Variants in NCKAP5 observed in about 807,000 individuals in gnomAD.
NCKAP5 encodes nck-associated protein 5.
NCKAP5 carries 92 observed loss-of-function variants against 167.0 expected under a neutral mutation model. The observed-to-expected ratio is 0.55, with a 90% CI of 0.47 to 0.66. NCKAP5 has a LOEUF of 0.66. NCKAP5 is among the 30% of genes least tolerant of loss of function. The probability of loss-of-function intolerance (pLI) is 0.00; values close to 1 mark genes in which losing one functional copy is unlikely to be tolerated. For missense variants in NCKAP5, 2,378 were observed against 2,315.0 expected, an observed-to-expected ratio of 1.03 and a Z score of -0.56; for synonymous variants, 891 against 877.4, an observed-to-expected ratio of 1.02 and a Z score of -0.27.
intron 3 of NCKAP5, among the ~76,000 whole-genome samples, chr2:133,372,948 C>T (rs1052017639): frequency 2.0e-5 from 3 of 152,132 alleles, no homozygotes; most frequent in Non-Finnish European, 2.9e-5. Context: ...GCAACATAAT[C>T]GTAATTCAGA....
intron 5 of NCKAP5, among the ~76,000 whole-genome samples, chr2:133,204,174 C>CTTT (rs1393485741): frequency 1.3e-5 from 2 of 152,028 alleles, no homozygotes; most frequent in African/African-American, 4.8e-5. Flanking sequence ...CTTGTGTCTT[C>CTTT]TTTTCTGATG....
intron 16 of NCKAP5, among the ~76,000 whole-genome samples, chr2:132,739,775 A>G (rs944198691): frequency 6.6e-6 from 1 of 152,170 alleles, no homozygotes; most frequent in African/African-American, 2.4e-5. Context: ...AAAAGCATTA[A>G]TGAATGATGA....
At chr2:133,236,070 CAAAAAAAAAAAA>C (rs527705526) in intron 4 of NCKAP5, among the ~76,000 whole-genome samples, 6 of 15,678 alleles carry the variant, frequency 3.8e-4, no homozygotes, top group African/African-American at 8.5e-4. Context: ...TGTCTCAGAC[CAAAAAAAAAAAA>C]AAAAAAAAAA....
At chr2:133,351,190 C>A (rs1220193648) in intron 3 of NCKAP5, among the ~76,000 whole-genome samples, 3 of 150,866 alleles carry the variant, frequency 2.0e-5, no homozygotes, top group African/African-American at 7.3e-5. Flanking sequence ...GGTTCATAAA[C>A]AACAAAAGCA....
At chr2:133,319,698 G>A (rs372060631) in intron 3 of NCKAP5, among the ~76,000 whole-genome samples, 14 of 152,234 alleles carry the variant, frequency 9.2e-5, no homozygotes, top group African/African-American at 3.1e-4. Context: ...ATGAAAATCA[G>A]CCACTCTTAG....
At chr2:133,041,220 G>A (rs2079208913) in intron 6 of NCKAP5, among the ~76,000 whole-genome samples, 2 of 152,040 alleles carry the variant, frequency 1.3e-5, no homozygotes, top group Admixed American at 1.3e-4. Flanking sequence ...GAAAAGAAAA[G>A]GAAAACTCTG....
intron 3 of NCKAP5, among the ~76,000 whole-genome samples, chr2:133,342,174 C>T (rs1683640670): frequency 6.6e-6 from 1 of 152,054 alleles, no homozygotes; most frequent in South Asian, 2.1e-4. Flanking sequence ...CTCCTGACCT[C>T]GTGATCCGCC....
intron 11 of NCKAP5, among the ~76,000 whole-genome samples, chr2:132,809,322 G>A (rs931197789): frequency 1.3e-5 from 2 of 152,036 alleles, no homozygotes; most frequent in Non-Finnish European, 2.9e-5. Flanking sequence ...TTGTTTCTTT[G>A]TTGACTTTCT....
chr2:133,586,790 CA>C, the NCKAP5 span, among the ~76,000 whole-genome samples: 1 of 137,632 alleles, frequency 7.3e-6, no homozygotes, highest in East Asian at 2.2e-4. Flanking sequence ...CACACACACA[CA>C]CACAGGATTT....
chr2:132,796,161 A>G (rs1298264929), intron 12 of NCKAP5, among the ~76,000 whole-genome samples: 3 of 152,174 alleles, frequency 2.0e-5, no homozygotes, highest in Non-Finnish European at 4.4e-5. Context: ...TGTTTTTTCA[A>G]GTTACTCTTT....
chr2:133,463,224 T>A (rs1330501869), intron 3 of NCKAP5, among the ~76,000 whole-genome samples: 1 of 152,196 alleles, frequency 6.6e-6, no homozygotes, highest in Admixed American at 6.5e-5. Flanking sequence ...ATACGCCACA[T>A]TTTTTAGATA....
chr2:133,576,522 A>G, the NCKAP5 span, among the ~76,000 whole-genome samples: 6 of 152,240 alleles, frequency 3.9e-5, no homozygotes, highest in Admixed American at 3.9e-4. Context: ...CACTGCAAAC[A>G]TATAGTACTT....
At chr2:133,043,162 G>A (rs959781488) in intron 6 of NCKAP5, among the ~76,000 whole-genome samples, 20 of 152,086 alleles carry the variant, frequency 1.3e-4, no homozygotes, top group African/African-American at 4.3e-4. Context: ...AAATTATTCT[G>A]TGAAAAAGAG....
At chr2:132,735,945 T>C (rs1006762638) in intron 16 of NCKAP5, among the ~76,000 whole-genome samples, 1 of 152,172 alleles carries the variant, frequency 6.6e-6, no homozygotes, top group African/African-American at 2.4e-5. Context: ...CCTTAAATTA[T>C]TTTACTTTCC....
chr2:133,584,941 A>AAGGAAG, the NCKAP5 span, among the ~76,000 whole-genome samples: 5 of 113,812 alleles, frequency 4.4e-5, no homozygotes, highest in Non-Finnish European at 9.0e-5. Flanking sequence ...AAAAAAAGAA[A>AAGGAAG]GAAGGAAGGA....
At chr2:132,946,147 A>G (rs779484511) in intron 8 of NCKAP5, among the ~76,000 whole-genome samples, 15 of 152,182 alleles carry the variant, frequency 9.9e-5, no homozygotes, top group Non-Finnish European at 1.9e-4. Flanking sequence ...ATCAGAAAGG[A>G]GGGGAAGGGA....
intron 6 of NCKAP5, among the ~76,000 whole-genome samples, chr2:133,082,674 T>G (rs1238090173): frequency 6.6e-6 from 1 of 152,142 alleles, no homozygotes; most frequent in East Asian, 1.9e-4. Context: ...GGCACCTACG[T>G]AGACAGACTC....
At chr2:132,889,553 A>T (rs1294980773) in intron 8 of NCKAP5, among the ~76,000 whole-genome samples, 1 of 152,218 alleles carries the variant, frequency 6.6e-6, no homozygotes, top group African/African-American at 2.4e-5. Context: ...ACAAAAAAAA[A>T]ATCAACAAAC....
Position 132,731,834 on chromosome 2 carries a change from A to C in NCKAP5, c.5346T>G (p.Pro1782=), listed in dbSNP as rs941611634. ...EVPSSTDGQR[P]ADSAIVHSTS... ...TGGAATGAACAATGGCGCTATCTGCAGGGCGCTGGCCGTCTGTGGAGGAAG... is the reference window on the plus strand; with the variant it reads ...TGGAATGAACAATGGCGCTATCTGCCGGGCGCTGGCCGTCTGTGGAGGAAG... Residue 1782 remains proline (P), a synonymous_variant, in exon 17 of 20, where the codon CCT becomes CCG. Coordinates refer to ENST00000409261, the MANE Select transcript of NCKAP5 (RefSeq NM_207363.3). The C allele has an allele frequency of 2.3e-5, 37 of 1,613,954 alleles. No individual in the cohort carries two copies. The highest frequency in any genetic ancestry group is 3.1e-5 in the Non-Finnish European group (37 of 1,179,876).
Sources: gnomAD v4.1 joint callset for allele counts (sites outside exome capture counted in the v4.1 genomes callset) on GRCh38, gnomAD v4.1.1 for gene constraint, MANE v1.5 for transcripts, NCBI Gene and HGNC (gene_info 2026-07-23, HGNC 2026-07-21) for gene names.